ATP6V1C2: variants seen among roughly 807,000 people sequenced by gnomAD.
The protein encoded by ATP6V1C2 is ATPase H+ transporting V1 subunit C2.
Under a neutral mutation model 56.8 loss-of-function variants are expected in ATP6V1C2, and 45 were observed. The ratio of observed to expected loss-of-function variants is 0.79; its 90% CI spans 0.62 to 1.02. The LOEUF is 1.02. Among genes scored for constraint, ATP6V1C2 ranks in the 50% least tolerant of loss-of-function variants. The pLI is 0.00. For missense variants in ATP6V1C2, 463 were observed against 519.7 expected, an observed-to-expected ratio of 0.89 and a Z score of 1.06; for synonymous variants, 220 against 201.3, an observed-to-expected ratio of 1.09 and a Z score of -0.79.
At chr2:10,781,282 G>A (rs1260927279) in intron 12 of ATP6V1C2, among the ~76,000 whole-genome samples, 3 of 152,148 alleles carry the variant, frequency 2.0e-5, no homozygotes, top group Non-Finnish European at 4.4e-5. Context: ...TGTCCTAGAT[G>A]AATAAACAAC....
chr2:10,759,783 C>CTA (rs1482229905), intron 4 of ATP6V1C2, among the ~76,000 whole-genome samples: 2 of 151,990 alleles, frequency 1.3e-5, no homozygotes, highest in Non-Finnish European at 2.9e-5. Flanking sequence ...AATCTGTCAA[C>CTA]TAGAGACATT....
chr2:10,760,483 G>T (rs570884889), intron 4 of ATP6V1C2, among the ~76,000 whole-genome samples: 2 of 152,338 alleles, frequency 1.3e-5, no homozygotes, highest in African/African-American at 4.8e-5. Context: ...CCAGGGCAAG[G>T]CTCAGTGTAC....
At chr2:10,745,041 C>CTTTTTTTTTTTTTTTTT (rs5829274) in intron 3 of ATP6V1C2, among the ~76,000 whole-genome samples, 2 of 113,314 alleles carry the variant, frequency 1.8e-5, no homozygotes, top group Non-Finnish European at 1.7e-5. Context: ...TATTTATTTT[C>CTTTTTTTTTTTTTTTTT]TTTTTTTTTT....
intron 8 of ATP6V1C2, among the ~76,000 whole-genome samples, chr2:10,774,153 C>T (rs540613137): frequency 5.9e-5 from 9 of 152,352 alleles, no homozygotes; most frequent in African/African-American, 1.9e-4. Flanking sequence ...TGGAGTCTGG[C>T]GGCAGCCCCT....
intron 3 of ATP6V1C2, among the ~76,000 whole-genome samples, chr2:10,749,996 T>G (rs1054682780): frequency 1.3e-5 from 2 of 152,230 alleles, no homozygotes; most frequent in African/African-American, 4.8e-5. Context: ...AAAGTACATT[T>G]AACACAGTAT....
At chr2:10,764,237 G>C in intron 4 of ATP6V1C2, 94 bp from the exon 5 acceptor site, 1 of 1,133,368 alleles carries the variant, frequency 8.8e-7, no homozygotes, top group Non-Finnish European at 1.3e-6. Flanking sequence ...GGCTGCCTTC[G>C]TGTCCACGCT....
chr2:10,743,367 A>C (rs1406862487), intron 3 of ATP6V1C2, among the ~76,000 whole-genome samples: 2 of 149,518 alleles, frequency 1.3e-5, no homozygotes, highest in African/African-American at 2.5e-5. Flanking sequence ...GGCCTCCCAA[A>C]GTGCTGGGAT....
At chr2:10,781,401 C>A (rs1665342882) in intron 12 of ATP6V1C2, among the ~76,000 whole-genome samples, 1 of 152,076 alleles carries the variant, frequency 6.6e-6, no homozygotes, top group Non-Finnish European at 1.5e-5. Flanking sequence ...TCGGTTGAAC[C>A]CAGGAAGTGG....
At chr2:10,753,833 C>T (rs1010286702) in intron 3 of ATP6V1C2, 148 bp from the exon 4 acceptor site, 12 of 665,920 alleles carry the variant, frequency 1.8e-5, no homozygotes, top group Admixed American at 9.7e-5. Context: ...TGTGCCCGGC[C>T]GCTATTGGCA....
intron 3 of ATP6V1C2, among the ~76,000 whole-genome samples, chr2:10,745,269 C>G (rs1167137739): frequency 6.6e-6 from 1 of 151,332 alleles, no homozygotes; most frequent in African/African-American, 2.4e-5. Context: ...AACTCTTGAC[C>G]TCAGGTGATC....
chr2:10,738,014 G>A (rs1053901143), intron 3 of ATP6V1C2, among the ~76,000 whole-genome samples: 4 of 152,112 alleles, frequency 2.6e-5, no homozygotes, highest in Admixed American at 6.6e-5. Flanking sequence ...ACAACTCCTC[G>A]AAGGCTGCCC....
At chr2:10,731,345 T>C (rs895791007) in intron 3 of ATP6V1C2, among the ~76,000 whole-genome samples, 3 of 152,194 alleles carry the variant, frequency 2.0e-5, no homozygotes, top group Non-Finnish European at 4.4e-5. Context: ...AAAATCATGC[T>C]AAATCAAGTA....
intron 3 of ATP6V1C2, among the ~76,000 whole-genome samples, chr2:10,729,585 G>A (rs903688542): frequency 2.0e-5 from 3 of 152,196 alleles, no homozygotes; most frequent in South Asian, 2.1e-4. Flanking sequence ...GCTGGGTGCC[G>A]TGGTTCACGC....
chr2:10,767,702 C>CT (rs1664316520), intron 5 of ATP6V1C2, among the ~76,000 whole-genome samples: 1 of 152,216 alleles, frequency 6.6e-6, no homozygotes, highest in African/African-American at 2.4e-5. Flanking sequence ...AGGTGATCTG[C>CT]CCGCCTCGGC....
rs200657466 is a variant in ATP6V1C2, at chr2:10,722,921, T to C, written c.72T>C (p.Thr24=). ...ENLQALERMN[T]VTSKSNLSYN... Reference sequence around the variant, plus strand: ...TGCAAGCTCTGGAGAGGATGAATACTGTAACCTCCAAGTCCAACCTGTCTT... The same window carrying C: ...TGCAAGCTCTGGAGAGGATGAATACCGTAACCTCCAAGTCCAACCTGTCTT... Residue 24 remains threonine, a synonymous_variant, in exon 2 of 14, where the codon ACT becomes ACC. Coordinates refer to ENST00000272238, the MANE Select transcript of ATP6V1C2 (RefSeq NM_001039362.2). The C allele has an allele frequency of 1.4e-5, 22 of 1,614,144 alleles. No homozygotes were observed. The highest frequency in any genetic ancestry group is 2.2e-5 in the East Asian group (1 of 44,878).
At chr2:10,782,785 C>T (rs7560596) in intron 13 of ATP6V1C2, among the ~76,000 whole-genome samples, 4,158 of 132,658 alleles carry the variant, frequency 0.031, 227 homozygotes, top group African/African-American at 0.11. Context: ...GAGCTGAGAT[C>T]ACGCCACTAC....
Position 10,780,498 on chromosome 2 carries a change from G to A in ATP6V1C2, c.1062-1745G>A, listed in dbSNP as rs1228800479. Among the ~76,000 whole-genome samples the A allele has an allele frequency of 6.6e-6, 1 of 152,124 alleles. No individual in the cohort carries two copies. The highest frequency in any genetic ancestry group is 1.5e-5 in the Non-Finnish European group (1 of 68,022). On this transcript the variant is annotated intron_variant, in intron 12 of 13. Coordinates refer to ENST00000272238, the MANE Select transcript of ATP6V1C2 (RefSeq NM_001039362.2). This position sits in a 1 kb window ranked among gnomAD's most constrained non-coding sequence, Gnocchi z 4.1. ...ACCGCACCCACACCTGTACCCATGC[G>A]CACCTGTGCACGCCCATCTCAAAAG...
intron 3 of ATP6V1C2, among the ~76,000 whole-genome samples, chr2:10,733,565 C>T (rs563631008): frequency 6.6e-6 from 1 of 151,964 alleles, no homozygotes; most frequent in South Asian, 2.1e-4. Flanking sequence ...TTCCTTCATA[C>T]TGCCTTTGTT....
At chr2:10,755,716 C>A (rs1292475404) in intron 4 of ATP6V1C2, among the ~76,000 whole-genome samples, 2 of 152,178 alleles carry the variant, frequency 1.3e-5, no homozygotes. Context: ...TCACCCTCAC[C>A]GATTTATCCC....
Sources: allele counts gnomAD v4.1 joint callset (sites outside exome capture counted in the v4.1 genomes callset), GRCh38; gene constraint gnomAD v4.1.1; non-coding constraint Gnocchi (gnomAD v3.1); transcripts MANE v1.5; gene names NCBI Gene and HGNC (gene_info 2026-07-23, HGNC 2026-07-21).